The following PTPRD variants were observed in gnomAD, a reference collection of about 807,000 sequenced individuals.
PTPRD encodes protein tyrosine phosphatase receptor type D.
A neutral mutation model predicts 214.5 loss-of-function variants in PTPRD; 34 were observed. That is an observed-to-expected ratio of 0.16 (90% CI 0.12 to 0.21). The LOEUF is 0.21. Ranked by LOEUF, PTPRD falls within the 10% of genes least tolerant of loss-of-function variation. The pLI, the probability that PTPRD is intolerant of heterozygous loss-of-function variation, is 1.00. For synonymous variants in PTPRD, 1,128 were observed against 845.7 expected, an observed-to-expected ratio of 1.33 and a Z score of -5.79; for missense variants, 2,545 against 2,398.7, an observed-to-expected ratio of 1.06 and a Z score of -1.27.
chr9:8,687,445 C>G (rs1349258880), intron 12 of PTPRD, among the ~76,000 whole-genome samples: 2 of 152,220 alleles, frequency 1.3e-5, no homozygotes, highest in East Asian at 3.9e-4. Context: ...CAACACAAAC[C>G]GTATGTTCCA....
At chr9:8,806,238 T>A (rs2096677073) in intron 11 of PTPRD, among the ~76,000 whole-genome samples, 1 of 147,444 alleles carries the variant, frequency 6.8e-6, no homozygotes, top group Admixed American at 6.8e-5. Flanking sequence ...CTTACACTTT[T>A]TTTTTTGGTG....
chr9:10,124,504 T>C (rs1390010373), intron 3 of PTPRD, among the ~76,000 whole-genome samples: 1 of 152,178 alleles, frequency 6.6e-6, no homozygotes, highest in Non-Finnish European at 1.5e-5. Flanking sequence ...TGTGGATAAA[T>C]AGCCAAGGAT....
intron 11 of PTPRD, among the ~76,000 whole-genome samples, chr9:8,826,439 A>G (rs1157143167): frequency 6.6e-6 from 1 of 152,060 alleles, no homozygotes; most frequent in African/African-American, 2.4e-5. Flanking sequence ...CTCCAATCTT[A>G]ATCACTTTTG....
At chr9:9,781,633 T>C (rs2098843491) in intron 5 of PTPRD, among the ~76,000 whole-genome samples, 1 of 152,128 alleles carries the variant, frequency 6.6e-6, no homozygotes, top group African/African-American at 2.4e-5. Flanking sequence ...AGTGTTTCCT[T>C]TCCCTGAATT....
intron 8 of PTPRD, among the ~76,000 whole-genome samples, chr9:9,512,948 T>C (rs1202567886): frequency 3.3e-5 from 5 of 151,926 alleles, no homozygotes; most frequent in Admixed American, 3.3e-4. Flanking sequence ...ATTCTTTCAA[T>C]GATAATAACA....
chr9:9,186,804 C>CAAAG (rs1273077501), intron 9 of PTPRD, among the ~76,000 whole-genome samples: 1 of 151,964 alleles, frequency 6.6e-6, no homozygotes, highest in African/African-American at 2.4e-5. Flanking sequence ...AATAGCCTTT[C>CAAAG]ATTTAGTGTG....
intron 9 of PTPRD, among the ~76,000 whole-genome samples, chr9:9,194,499 T>G (rs1395553216): frequency 6.6e-6 from 1 of 152,138 alleles, no homozygotes; most frequent in African/African-American, 2.4e-5. Flanking sequence ...CTACAATGGC[T>G]GTGATGTCAC....
At chr9:9,009,015 T>C (rs1185329468) in intron 11 of PTPRD, among the ~76,000 whole-genome samples, 1 of 152,130 alleles carries the variant, frequency 6.6e-6, no homozygotes, top group African/African-American at 2.4e-5. Context: ...CAGCTTCAGA[T>C]GAAATCTATT....
chr9:8,917,708 C>G (rs1007575244), intron 11 of PTPRD, among the ~76,000 whole-genome samples: 2 of 152,074 alleles, frequency 1.3e-5, no homozygotes, highest in Non-Finnish European at 2.9e-5. Context: ...ACAAACAATC[C>G]TAGCAGTCTA....
At chr9:9,878,478 T>TGAATA in intron 5 of PTPRD, among the ~76,000 whole-genome samples, 1 of 152,236 alleles carries the variant, frequency 6.6e-6, no homozygotes, top group African/African-American at 2.4e-5. Flanking sequence ...ACTTAAAGGA[T>TGAATA]GAATAGGCAT....
At chr9:8,996,094 C>G (rs774395362) in intron 11 of PTPRD, among the ~76,000 whole-genome samples, 4 of 151,942 alleles carry the variant, frequency 2.6e-5, no homozygotes, top group African/African-American at 7.3e-5. Context: ...CTTAAAAATG[C>G]CACTCCCAAA....
At chr9:10,424,678 A>G (rs557643203) in intron 2 of PTPRD, among the ~76,000 whole-genome samples, 6 of 152,096 alleles carry the variant, frequency 3.9e-5, no homozygotes, top group South Asian at 2.1e-4. Flanking sequence ...TTGGAAACCC[A>G]GAGTCACCGA....
chr9:9,560,812 C>T (rs1202460855), intron 8 of PTPRD, among the ~76,000 whole-genome samples: 1 of 152,176 alleles, frequency 6.6e-6, no homozygotes, highest in Non-Finnish European at 1.5e-5. Flanking sequence ...TACTTTCACA[C>T]TGTCCGCCCT....
chr9:10,430,908 A>C (rs1218151125), intron 2 of PTPRD, among the ~76,000 whole-genome samples: 1 of 152,016 alleles, frequency 6.6e-6, no homozygotes, highest in Non-Finnish European at 1.5e-5. Flanking sequence ...CTTTGATTAT[A>C]TGGACATATT....
chr9:9,280,827 T>C (rs1441704949), intron 9 of PTPRD, among the ~76,000 whole-genome samples: 1 of 151,028 alleles, frequency 6.6e-6, no homozygotes, highest in Non-Finnish European at 1.5e-5. Flanking sequence ...GTCAACACAA[T>C]ATTGAAGGAA....
intron 39 of PTPRD, among the ~76,000 whole-genome samples, chr9:8,351,864 TTC>T (rs1434965813): frequency 1.3e-5 from 2 of 151,162 alleles, no homozygotes; most frequent in Non-Finnish European, 1.5e-5. Context: ...ATAAAGGAAG[TTC>T]ACATTTCATC....
chr9:9,889,722 G>T (rs990609947), intron 5 of PTPRD, among the ~76,000 whole-genome samples: 6 of 151,998 alleles, frequency 3.9e-5, no homozygotes, highest in African/African-American at 1.4e-4. Flanking sequence ...GGCCCTGGAG[G>T]GTCACAGCAG....
intron 3 of PTPRD, among the ~76,000 whole-genome samples, chr9:10,213,816 T>C (rs2099528230): frequency 6.6e-6 from 1 of 152,226 alleles, no homozygotes; most frequent in Non-Finnish European, 1.5e-5. Context: ...ACATAAGACT[T>C]CCTATATTAT....
At position 9,474,092 on chromosome 9, in the gene PTPRD, G is replaced by A. The variant is rs1006155363; in HGVS notation, c.-236-76610C>T. Reference sequence around the variant, plus strand: ...TACTTCTAGTGGTTTTATAGACTTGGGTCTTAGTTTAAGTCTTTATGCATT... The same window carrying A: ...TACTTCTAGTGGTTTTATAGACTTGAGTCTTAGTTTAAGTCTTTATGCATT... On this transcript the variant is annotated intron_variant, in intron 8 of 45. Coordinates refer to ENST00000381196, the MANE Select transcript of PTPRD (RefSeq NM_002839.4). 2.6e-5 allele frequency among the ~76,000 whole-genome samples: 4 copies of A among 151,998 alleles called. No homozygotes were observed. The East Asian group carries it at 5.8e-4, about 22-fold the overall frequency.
Sources: allele counts gnomAD v4.1 joint callset (sites outside exome capture counted in the v4.1 genomes callset), GRCh38; gene constraint gnomAD v4.1.1; transcripts MANE v1.5; gene names NCBI Gene and HGNC (gene_info 2026-07-23, HGNC 2026-07-21).